TMEM87A: variants seen among roughly 807,000 people sequenced by gnomAD.
TMEM87A encodes transmembrane protein 87A, also known as Golgi-pH regulating cation channel.
TMEM87A carries 50 observed loss-of-function variants against 90.0 expected under a neutral mutation model. That is an observed-to-expected ratio of 0.56 (90% CI 0.44 to 0.70). TMEM87A has a LOEUF of 0.70. Among genes scored for constraint, TMEM87A ranks in the 30% least tolerant of loss-of-function variants. The pLI is 0.00. For synonymous variants in TMEM87A, 226 were observed against 226.7 expected (o/e 1.00, Z 0.03); for missense variants, 577 against 660.5 (o/e 0.87, Z 1.39).
intron 17 of TMEM87A, chr15:42,219,058 T>A (rs973783256): frequency 1.3e-5 from 2 of 154,912 alleles, no homozygotes; most frequent in African/African-American, 4.8e-5. Flanking sequence ...TTTTTCCATG[T>A]CCTTGCCAAC....
At chr15:42,213,789 TG>T (rs1050952116) in intron 19 of TMEM87A, among the ~76,000 whole-genome samples, 7 of 152,132 alleles carry the variant, frequency 4.6e-5, no homozygotes, top group African/African-American at 1.4e-4. Context: ...GAAAGGTAAC[TG>T]TTTTTTTTTC....
chr15:42,266,353 T>C (rs1376198862), intron 3 of TMEM87A, among the ~76,000 whole-genome samples: 1 of 151,936 alleles, frequency 6.6e-6, no homozygotes. Context: ...CCATCTTTAC[T>C]AAAAATACAA....
At position 42,239,724 on chromosome 15, in the gene TMEM87A, A is replaced by G. The variant is rs147305047; in HGVS notation, c.630T>C (p.Val210=). 4 of 1,613,756 alleles carry G rather than the reference A, an allele frequency of 2.5e-6. No homozygotes were observed. Among genetic ancestry groups the G allele is most frequent in the Non-Finnish European group, 3.4e-6 (4 of 1,179,636 alleles). The stretch of plus-strand genomic sequence containing the variant: ...GGTATTCATAGGGACCCTTCACTTC[A>G]ACAGTCACTGCCAAAACAGAGTCCT... ...NSLSNLFTMT[V]EVKGPYEYLT... The change falls in exon 8 of 20, where the codon GTT becomes GTC. Residue 210 remains valine, a synonymous_variant. Coordinates refer to ENST00000389834, the MANE Select transcript of TMEM87A (RefSeq NM_015497.5).
intron 19 of TMEM87A, among the ~76,000 whole-genome samples, chr15:42,214,057 G>T (rs976027639): frequency 6.6e-6 from 1 of 151,856 alleles, no homozygotes; most frequent in Non-Finnish European, 1.5e-5. Context: ...GGATAACCTA[G>T]AACAAAATAT....
chr15:42,268,047 A>G lies in TMEM87A; in HGVS notation c.206-15T>C, dbSNP rs2051440519. On this transcript the variant is annotated splice_polypyrimidine_tract_variant and intron_variant, in intron 2 of 19. Transcript: ENST00000389834. Reference sequence around the variant, plus strand: ...TTCTCCATCAACTACAAAAGAAGAAATCTTTGTTAACAAAAGATAATTCCC... The same window carrying G: ...TTCTCCATCAACTACAAAAGAAGAAGTCTTTGTTAACAAAAGATAATTCCC... 1.2e-6 allele frequency: 2 copies of G among 1,602,060 alleles called. No individual in the cohort carries two copies. Among genetic ancestry groups the G allele is most frequent in the Middle Eastern group, 1.7e-4 (1 of 6,028 alleles).
intron 15 of TMEM87A, 101 bp from the exon 16 acceptor site, chr15:42,220,236 G>T: frequency 1.3e-6 from 1 of 797,990 alleles, no homozygotes; most frequent in Non-Finnish European, 2.0e-6. Context: ...TGCAATTATA[G>T]TAATTCATTA....
At chr15:42,237,349 G>T in intron 9 of TMEM87A, 83 bp downstream of exon 9, 1 of 1,356,944 alleles carries the variant, frequency 7.4e-7, no homozygotes, top group Non-Finnish European at 1.0e-6. Context: ...TTAAGCCTAT[G>T]TAGTGACTGC....
chr15:42,215,296 G>A (rs555119955), intron 19 of TMEM87A, among the ~76,000 whole-genome samples: 50 of 152,174 alleles, frequency 3.3e-4, no homozygotes, highest in African/African-American at 1.1e-3. Flanking sequence ...TCAGGAGACC[G>A]AGACCATCCT....
At chr15:42,225,830 C>T (rs1200710878) in intron 15 of TMEM87A, among the ~76,000 whole-genome samples, 2 of 152,244 alleles carry the variant, frequency 1.3e-5, no homozygotes, top group African/African-American at 4.8e-5. Context: ...AGCCACCGTG[C>T]CTGGTTGACA....
At chr15:42,239,279 G>T (rs2050829921) in intron 8 of TMEM87A, among the ~76,000 whole-genome samples, 1 of 152,140 alleles carries the variant, frequency 6.6e-6, no homozygotes, top group African/African-American at 2.4e-5. Context: ...GACCTCAAGT[G>T]ATCTGCCCGC....
rs559586799 is a variant in TMEM87A at position 42,222,352 on chromosome 15, T to C, written c.1404-2217A>G. On this transcript the variant is annotated intron_variant, in intron 15 of 19. Transcript: ENST00000389834. ...GATTATAGGCATGAACCACGGTGCCTGGCCCAAAGGCTATTTTTAAAAGAG... is the reference window on the plus strand; with the variant it reads ...GATTATAGGCATGAACCACGGTGCCCGGCCCAAAGGCTATTTTTAAAAGAG... Among the ~76,000 whole-genome samples, 5 of 151,474 alleles carry C rather than the reference T, an allele frequency of 3.3e-5. No individual in the cohort carries two copies. In the South Asian group the frequency reaches 1.0e-3, roughly 32 times the overall value.
intron 3 of TMEM87A, among the ~76,000 whole-genome samples, chr15:42,266,118 T>C (rs1253399478): frequency 6.6e-6 from 1 of 152,214 alleles, no homozygotes; most frequent in Non-Finnish European, 1.5e-5. Context: ...TGAAGTCAGG[T>C]AATGTGATGC....
intron 6 of TMEM87A, among the ~76,000 whole-genome samples, chr15:42,251,460 T>G (rs1010916851): frequency 6.6e-6 from 1 of 152,220 alleles, no homozygotes; most frequent in African/African-American, 2.4e-5. Flanking sequence ...GTTGATGTTA[T>G]TCTTTTCTGT....
intron 2 of TMEM87A, among the ~76,000 whole-genome samples, chr15:42,268,374 A>T (rs2051446963): frequency 6.6e-6 from 1 of 152,208 alleles, no homozygotes. Flanking sequence ...TTATTTAAGT[A>T]TTTATTGAGC....
chr15:42,271,814 T>C (rs2051532908), intron 2 of TMEM87A, among the ~76,000 whole-genome samples: 1 of 150,622 alleles, frequency 6.6e-6, no homozygotes, highest in Admixed American at 6.6e-5. Context: ...ATACATTATA[T>C]ATACTAATAT....
intron 19 of TMEM87A, among the ~76,000 whole-genome samples, chr15:42,213,901 T>G (rs190507418): frequency 1.8e-4 from 28 of 151,880 alleles, no homozygotes; most frequent in African/African-American, 6.3e-4. Flanking sequence ...CCAACCCCAG[T>G]GAAACAGAGG....
rs1388109436 is a variant in TMEM87A at position 42,221,287 on chromosome 15, G to C, written c.1404-1152C>G. On this transcript the variant is annotated intron_variant, in intron 15 of 19. Coordinates refer to ENST00000389834, the MANE Select transcript of TMEM87A (RefSeq NM_015497.5). ...AGACAGAGACAGAGAGAGAGAGAGA[G>C]AGAGAGAGACAGAGAGAGAGAGACA... Among the ~76,000 whole-genome samples, 4 of 147,518 alleles carry C rather than the reference G, an allele frequency of 2.7e-5. No individual in the cohort carries two copies. The South Asian group carries it at 6.3e-4, about 23-fold the overall frequency.
rs2050836051 is a variant in TMEM87A, at chr15:42,239,679, G to A, written c.675C>T (p.Pro225=). ...PYEYLTLEDY[P]LMIFFMVMCI... ...ATATAAAGTCACTTACAATCATCAAGGGATAGTCTTCAAGTGTGAGGTATT... is the reference window on the plus strand; with the variant it reads ...ATATAAAGTCACTTACAATCATCAAAGGATAGTCTTCAAGTGTGAGGTATT... The change falls in exon 8 of 20, where the codon CCC becomes CCT. Residue 225 remains proline (P), a synonymous_variant. Transcript: ENST00000389834. 6.2e-7 allele frequency: 1 copy of A among 1,613,322 alleles called. No homozygotes were observed. The highest frequency in any genetic ancestry group is 1.7e-5 in the Admixed American group (1 of 60,000).
intron 19 of TMEM87A, among the ~76,000 whole-genome samples, chr15:42,213,655 A>G (rs370276099): frequency 2.0e-5 from 3 of 152,236 alleles, no homozygotes; most frequent in South Asian, 2.1e-4. Flanking sequence ...AAACCCAGCA[A>G]ATCCCTCTGA....
Sources: gnomAD v4.1 joint callset for allele counts (sites outside exome capture counted in the v4.1 genomes callset) on GRCh38, gnomAD v4.1.1 for gene constraint, MANE v1.5 for transcripts, NCBI Gene and HGNC (gene_info 2026-07-23, HGNC 2026-07-21) for gene names.